P2RX5: variants seen among roughly 807,000 people sequenced by gnomAD.
P2RX5 encodes P2X purinoceptor 5.
P2RX5 carries 46 observed loss-of-function variants against 54.1 expected under a neutral mutation model. That is an observed-to-expected ratio of 0.85 (90% CI 0.67 to 1.09). The LOEUF (loss-of-function observed/expected upper bound fraction) is 1.09, where lower values mean the gene tolerates loss of function less well. P2RX5 is among the 50% of genes least tolerant of loss of function. P2RX5 has a pLI of 0.00. For synonymous variants in P2RX5, 226 were observed against 226.4 expected, an observed-to-expected ratio of 1.00 and a Z score of 0.02; for missense variants, 566 against 549.8, an observed-to-expected ratio of 1.03 and a Z score of -0.29.
At chr17:3,691,373 C>T (rs1259702642) in intron 2 of P2RX5, among the ~76,000 whole-genome samples, 3 of 152,238 alleles carry the variant, frequency 2.0e-5, no homozygotes, top group African/African-American at 7.2e-5. Flanking sequence ...CCACCTGACT[C>T]ACAATGACCT....
the P2RX5 span, chr17:3,714,882 G>T: frequency 6.2e-7 from 1 of 1,611,022 alleles, no homozygotes; most frequent in Non-Finnish European, 8.5e-7. Context: ...TCTGATTTCA[G>T]CTGGGCCTTC....
the P2RX5 span, chr17:3,720,380 A>T: frequency 6.4e-7 from 1 of 1,558,330 alleles, no homozygotes; most frequent in Non-Finnish European, 8.9e-7. Context: ...AAGGATCTGC[A>T]GTTCAGTTAC....
At chr17:3,682,543 T>C (rs2050313921) in intron 9 of P2RX5, 1 of 180,676 alleles carries the variant, frequency 5.5e-6, no homozygotes, top group Non-Finnish European at 1.2e-5. Context: ...GATGCGCTTC[T>C]GGAGAAGGGG....
chr17:3,689,162 C>G (rs994239067), intron 7 of P2RX5, among the ~76,000 whole-genome samples: 2 of 151,230 alleles, frequency 1.3e-5, no homozygotes, highest in Non-Finnish European at 2.9e-5. Flanking sequence ...TGCCTGTGTG[C>G]CACAGCCAGT....
intron 5 of P2RX5, 138 bp downstream of exon 5, chr17:3,690,289 G>A: frequency 8.9e-7 from 1 of 1,126,860 alleles, no homozygotes; most frequent in Non-Finnish European, 1.3e-6. Context: ...TGCTGGGGAG[G>A]CCGTCGGGCC....
At chr17:3,689,838 ACACGCACACACGCGTG>A (rs1464340690) in intron 6 of P2RX5, among the ~76,000 whole-genome samples, 5 of 152,280 alleles carry the variant, frequency 3.3e-5, no homozygotes, top group Non-Finnish European at 5.9e-5. Flanking sequence ...CATCACACAC[ACACGCACACACGCGTG>A]CACGCACGCA....
chr17:3,678,232 C>T (rs1363746788), intron 11 of P2RX5: 2 of 287,914 alleles, frequency 6.9e-6, no homozygotes, highest in Non-Finnish European at 1.0e-5. Context: ...CTCCTGGCAG[C>T]ACTGCAGGCA....
intron 1 of P2RX5, among the ~76,000 whole-genome samples, chr17:3,694,199 T>C (rs530794600): frequency 1.0e-4 from 15 of 147,554 alleles, no homozygotes; most frequent in African/African-American, 3.5e-4. Context: ...TGGGTGAACC[T>C]TGAAAACATG....
At chr17:3,721,390 G>A in the P2RX5 span, among the ~76,000 whole-genome samples, 1 of 141,156 alleles carries the variant, frequency 7.1e-6, no homozygotes, top group Non-Finnish European at 1.5e-5. Flanking sequence ...TCCTGCCTCA[G>A]CCTCCCAAGT....
At chr17:3,688,998 C>T (rs1423032186) in intron 7 of P2RX5, among the ~76,000 whole-genome samples, 1 of 152,242 alleles carries the variant, frequency 6.6e-6, no homozygotes, top group Non-Finnish European at 1.5e-5. Flanking sequence ...ACAGGGTAGG[C>T]CTCTCTGGAC....
chr17:3,678,762 C>T (rs888256821), intron 11 of P2RX5, among the ~76,000 whole-genome samples: 1 of 152,326 alleles, frequency 6.6e-6, no homozygotes, highest in African/African-American at 2.4e-5. Context: ...AAGAGAGTCA[C>T]AGAACCCCAG....
intron 11 of P2RX5, chr17:3,676,023 C>G: frequency 2.0e-6 from 2 of 985,370 alleles, no homozygotes; most frequent in Non-Finnish European, 2.4e-6. Context: ...CTCTCACCAC[C>G]CCCGCCTTTC....
chr17:3,691,711 G>A lies in P2RX5; in HGVS notation c.221C>T (p.Ala74Val), dbSNP rs144771900. The A allele has an allele frequency of 9.3e-6, 15 of 1,614,130 alleles. No homozygotes were observed. Among genetic ancestry groups the A allele is most frequent in the Admixed American group, 1.7e-5 (1 of 60,010 alleles). The change falls in exon 2 of 12, where the codon GCC becomes GTC. Residue 74 changes from alanine to valine, a missense_variant. Coordinates refer to ENST00000225328, the MANE Select transcript of P2RX5 (RefSeq NM_002561.4). ...CCCAAGATCCGAGGTGTTGGTGAAG[G>A]CCACGCCCTTGACTTTGGTGATGAC... ...SAVITKVKGV[A>V]FTNTSDLGQR...
At chr17:3,689,702 C>G (rs115390183) in intron 6 of P2RX5, 72 bp from the exon 7 acceptor site, 2 of 1,594,300 alleles carry the variant, frequency 1.3e-6, no homozygotes, top group Non-Finnish European at 1.7e-6. Context: ...AGGAGTCACT[C>G]GGTCCCTCAC....
intron 9 of P2RX5, chr17:3,682,459 G>A (rs750737732): frequency 3.3e-5 from 7 of 213,532 alleles, no homozygotes; most frequent in South Asian, 1.4e-4. Context: ...ACAAAGAGGT[G>A]GAAGGACATT....
intron 10 of P2RX5, 64 bp from the exon 11 acceptor site, chr17:3,679,848 C>T (rs894499066): frequency 9.7e-5 from 137 of 1,418,046 alleles, no homozygotes; most frequent in South Asian, 1.4e-4. Flanking sequence ...CCTAGACGGG[C>T]GGAGTGGGCC....
At chr17:3,684,538 A>G (rs1242618588) in intron 9 of P2RX5, among the ~76,000 whole-genome samples, 1 of 152,132 alleles carries the variant, frequency 6.6e-6, no homozygotes, top group African/African-American at 2.4e-5. Flanking sequence ...GGAGTTCAAG[A>G]CTGCAGTGAG....
At chr17:3,691,529 G>A (rs1164616082) in intron 2 of P2RX5, 115 bp downstream of exon 2, 1 of 1,321,070 alleles carries the variant, frequency 7.6e-7, no homozygotes, top group Admixed American at 1.9e-5. Context: ...AGCTGTCTTG[G>A]GCCAAGAGAG....
Position 3,679,442 on chromosome 17 carries a change from C to A in P2RX5, c.1259+148G>T, listed in dbSNP as rs192623347. 1.2e-4 allele frequency: 82 copies of A among 712,752 alleles called. 3 individuals carry two copies. In the Admixed American group the frequency reaches 1.5e-3, roughly 13 times the overall value. 44.2% of individuals were successfully genotyped at this position (712,752 alleles called of 1,614,324 possible). ...AAGCACCAGCCCCTTCCCACAGAGG[C>A]TCTCCCAGTTCCTAGATGTCCTGCC... is the stretch of plus-strand genomic sequence containing the variant. On this transcript the variant is annotated intron_variant, in intron 11 of 11. Coordinates refer to ENST00000225328, the MANE Select transcript of P2RX5 (RefSeq NM_002561.4).
Sources: gnomAD v4.1 joint callset for allele counts (sites outside exome capture counted in the v4.1 genomes callset) on GRCh38, gnomAD v4.1.1 for gene constraint, MANE v1.5 for transcripts, NCBI Gene and HGNC (gene_info 2026-07-23, HGNC 2026-07-21) for gene names.